Variants in SF3B1 observed in about 807,000 individuals in gnomAD.
The protein encoded by SF3B1 is splicing factor 3b subunit 1, also known as pre-mRNA processing 10.
Under a neutral mutation model 153.8 loss-of-function variants are expected in SF3B1, and 12 were observed. The ratio of observed to expected loss-of-function variants is 0.08; its 90% confidence interval spans 0.05 to 0.13. SF3B1 has a LOEUF of 0.13. Among genes scored for constraint, SF3B1 ranks in the 10% least tolerant of loss-of-function variants. The probability of loss-of-function intolerance (pLI) is 1.00; values close to 1 mark genes in which losing one functional copy is unlikely to be tolerated. For missense variants in SF3B1, 513 were observed against 1,606.1 expected (o/e 0.32, Z 11.63); for synonymous variants, 498 against 525.2 (o/e 0.95, Z 0.71).
At position 197,435,007 on chromosome 2, in the gene SF3B1, A is replaced by G. The variant is rs2085501493; in HGVS notation, c.-8T>C. On this transcript the variant is annotated 5_prime_UTR_variant, in exon 1 of 25. Coordinates refer to ENST00000335508, the MANE Select transcript of SF3B1 (RefSeq NM_012433.4). The stretch of plus-strand genomic sequence containing the variant: ...CTTGGCGATCTTCGCCATTTTGTCC[A>G]CTCGAACACACAGACGGAACTGGCG... The G allele has an allele frequency of 1.2e-6, 2 of 1,614,268 alleles. No individual in the cohort carries two copies. Among genetic ancestry groups the G allele is most frequent in the African/African-American group, 1.3e-5 (1 of 75,082 alleles).
At chr2:197,408,331 G>A (rs2085021427) in intron 8 of SF3B1, 38 bp downstream of exon 8, 3 of 1,574,130 alleles carry the variant, frequency 1.9e-6, no homozygotes, top group South Asian at 1.1e-5. Context: ...AATAATTTAT[G>A]GAGAAAAAAA....
intron 23 of SF3B1, among the ~76,000 whole-genome samples, chr2:197,395,035 A>G (rs566126034): frequency 2.6e-4 from 40 of 152,378 alleles, no homozygotes; most frequent in African/African-American, 6.7e-4. Context: ...GTCATTCAGC[A>G]TAAGAATGAA....
intron 1 of SF3B1, among the ~76,000 whole-genome samples, chr2:197,428,873 C>A (rs2085379802): frequency 6.6e-6 from 1 of 151,404 alleles, no homozygotes. Flanking sequence ...CTGGCCTGGG[C>A]AACAAGAGAA....
chr2:197,425,248 C>G (rs1045923713), intron 1 of SF3B1, among the ~76,000 whole-genome samples: 84 of 152,186 alleles, frequency 5.5e-4, no homozygotes, highest in Non-Finnish European at 1.6e-4. Context: ...GGCAGATCAC[C>G]TGAGGTCAGG....
chr2:197,411,607 G>A (rs1460983082), intron 6 of SF3B1, among the ~76,000 whole-genome samples: 1 of 151,782 alleles, frequency 6.6e-6, no homozygotes, highest in Non-Finnish European at 1.5e-5. Flanking sequence ...GGGAGGCAGA[G>A]TTTGCAGTGA....
intron 22 of SF3B1, 83 bp downstream of exon 22, chr2:197,397,902 A>T: frequency 2.9e-6 from 3 of 1,038,884 alleles, no homozygotes; most frequent in Non-Finnish European, 4.2e-6. Flanking sequence ...CTCAAAAGAG[A>T]TTTCTACATG....
rs1182588064 is a variant in SF3B1, at chr2:197,391,299, A to G, written c.*1004T>C. Reference sequence around the variant, plus strand: ...GACATTTTAGCTGCTGCCACTGTGTATTATCACAGTACATAAGGAATCTGT... The same window carrying G: ...GACATTTTAGCTGCTGCCACTGTGTGTTATCACAGTACATAAGGAATCTGT... On this transcript the variant is annotated 3_prime_UTR_variant, in exon 25 of 25. Transcript: ENST00000335508. 2 of 152,210 alleles carry G rather than the reference A, an allele frequency of 1.3e-5. No individual in the cohort carries two copies. The highest frequency in any genetic ancestry group is 2.9e-5 in the Non-Finnish European group (2 of 68,034). 9.4% of individuals were successfully genotyped at this position (152,210 alleles called of 1,614,324 possible). A position where few individuals can be genotyped will look rare whatever the true frequency, so the allele number is the denominator to read the frequency against.
chr2:197,392,576 G>GGGA (rs1553563330), intron 24 of SF3B1, 115 bp from the exon 25 acceptor site: 1 of 314,704 alleles, frequency 3.2e-6, no homozygotes. Flanking sequence ...GAGTTGGGGG[G>GGGA]GGGGGAACCT....
chr2:197,415,804 T>A (rs1205447338), intron 6 of SF3B1, among the ~76,000 whole-genome samples: 3 of 151,854 alleles, frequency 2.0e-5, no homozygotes, highest in Non-Finnish European at 4.4e-5. Flanking sequence ...ACAGATGCCA[T>A]CGTTTTGTTT....
chr2:197,407,413 T>C (rs1427824577), intron 9 of SF3B1, among the ~76,000 whole-genome samples: 2 of 152,166 alleles, frequency 1.3e-5, no homozygotes, highest in African/African-American at 2.4e-5. Flanking sequence ...AAGATCAGCC[T>C]GGCCAGCATG....
chr2:197,391,938 G>A lies in SF3B1; in HGVS notation c.*365C>T, dbSNP rs73988457. ...TAAACCAATACTTTATCAAAGTTCC[G>A]CATTTTACAAGTCATGTTCAAAAAA... On this transcript the variant is annotated 3_prime_UTR_variant, in exon 25 of 25. Coordinates refer to ENST00000335508, the MANE Select transcript of SF3B1 (RefSeq NM_012433.4). 2.6e-5 allele frequency: 5 copies of A among 190,576 alleles called. No homozygotes were observed. The highest frequency in any genetic ancestry group is 1.2e-4 in the Admixed American group (2 of 16,244). The allele number at this position is 190,576 out of a possible 1,614,324, so 11.8% of individuals were successfully genotyped here.
intron 6 of SF3B1, among the ~76,000 whole-genome samples, chr2:197,411,413 C>G (rs1440846054): frequency 6.6e-6 from 1 of 151,758 alleles, no homozygotes; most frequent in Non-Finnish European, 1.5e-5. Flanking sequence ...GTGGCTCACA[C>G]CCGTAATCCC....
At chr2:197,394,805 T>A (rs1235945764) in intron 23 of SF3B1, among the ~76,000 whole-genome samples, 1 of 152,018 alleles carries the variant, frequency 6.6e-6, no homozygotes, top group Non-Finnish European at 1.5e-5. Context: ...CTTGGGAGGC[T>A]GAGGCAGAAG....
Position 197,400,283 on chromosome 2 carries a change from C to T in SF3B1, c.2870G>A (p.Arg957Gln), listed in dbSNP as rs773349667. The T allele has an allele frequency of 1.2e-6, 2 of 1,613,962 alleles. No homozygotes were observed. The highest frequency in any genetic ancestry group is 8.5e-7 in the Non-Finnish European group (1 of 1,179,940). The change falls in exon 19 of 25, where the codon CGA becomes CAA. Residue 957 changes from arginine (R) to glutamine (Q), a missense_variant. By Grantham distance (43) the Arg-to-Gln change is conservative. Around this residue, in one of 21 missense-constraint regions of SF3B1, gnomAD observed 20 missense variants for 90.4 expected, o/e 0.22. Transcript: ENST00000335508. This position sits in a 1 kb window ranked among gnomAD's most constrained non-coding sequence, Gnocchi z 5.0. The part of the protein sequence containing the change: ...VRQQAADLIS[R>Q]TAVVMKTCQE... ...ACAAGTCTTCATGACAACAGCAGTT[C>T]GAGAAATCAAGTCAGCTGCCTGTTG...
At chr2:197,403,837 G>T in intron 11 of SF3B1, 73 bp from the exon 12 acceptor site, 1 of 1,124,078 alleles carries the variant, frequency 8.9e-7, no homozygotes, top group Non-Finnish European at 1.2e-6. Flanking sequence ...ATTACTCAAA[G>T]AAGATTTTCC....
At position 197,400,001 on chromosome 2, in the gene SF3B1, A is replaced by AG; in HGVS notation, c.3013+53dup. 1 of 1,246,290 alleles carries AG rather than the reference A, an allele frequency of 8.0e-7. No homozygotes were observed. Among genetic ancestry groups the AG allele is most frequent in the Non-Finnish European group, 1.1e-6 (1 of 872,694 alleles). 77.2% of individuals were successfully genotyped at this position (1,246,290 alleles called of 1,614,324 possible). A position where few individuals can be genotyped will look rare whatever the true frequency, so the allele number is the denominator to read the frequency against. ...TAAGATTTTACTTACGAAAAAAAAA[A>AG]GAAAAAGAAAGTTAAAACAAGAAAA... is the stretch of plus-strand genomic sequence containing the variant. On this transcript the variant is annotated intron_variant, in intron 20 of 24. Transcript: ENST00000335508. This position sits in a 1 kb window ranked among gnomAD's most constrained non-coding sequence, Gnocchi z 5.0.
chr2:197,397,218 C>G (rs939780898), intron 22 of SF3B1, among the ~76,000 whole-genome samples: 1 of 151,968 alleles, frequency 6.6e-6, no homozygotes, highest in Non-Finnish European at 1.5e-5. Flanking sequence ...GCCCAGGTGC[C>G]CAGATGCCCA....
chr2:197,422,726 T>TA (rs775036458), intron 2 of SF3B1, among the ~76,000 whole-genome samples: 22 of 151,586 alleles, frequency 1.5e-4, no homozygotes, highest in Non-Finnish European at 2.9e-4. Flanking sequence ...CCGTCTCTAC[T>TA]AAAAATACAA....
At chr2:197,425,603 T>C (rs2085322433) in intron 1 of SF3B1, among the ~76,000 whole-genome samples, 1 of 151,928 alleles carries the variant, frequency 6.6e-6, no homozygotes, top group Non-Finnish European at 1.5e-5. Flanking sequence ...GAGAAAGCCC[T>C]CTATAGTTCC....
Sources: gnomAD v4.1 joint callset for allele counts (sites outside exome capture counted in the v4.1 genomes callset) on GRCh38, gnomAD v4.1.1 for gene constraint, gnomAD v4.1.1 regional missense constraint, Gnocchi (gnomAD v3.1) non-coding constraint, MANE v1.5 for transcripts, NCBI Gene and HGNC (gene_info 2026-07-23, HGNC 2026-07-21) for gene names.